The following RAB33B variants were observed in gnomAD, a reference collection of about 807,000 sequenced individuals.
The protein encoded by RAB33B is RAB33B, member RAS oncogene family, also known as ras-related protein Rab-33B.
A neutral mutation model predicts 15.0 loss-of-function variants in RAB33B; 6 were observed. That is an observed-to-expected ratio of 0.40 (90% CI 0.22 to 0.79). The LOEUF is 0.79. Among genes scored for constraint, RAB33B ranks in the 30% least tolerant of loss-of-function variants. The pLI is 0.37. For missense variants in RAB33B, 257 were observed against 296.4 expected (o/e 0.87, Z 0.98); for synonymous variants, 117 against 108.3 (o/e 1.08, Z -0.50).
chr4:139,455,372 GATCGTCTTT>G (rs1561002414), intron 1 of RAB33B, among the ~76,000 whole-genome samples: 1 of 152,108 alleles, frequency 6.6e-6, no homozygotes, highest in Non-Finnish European at 1.5e-5. Context: ...TTAAATCAGC[GATCGTCTTT>G]ATCTCAGTCT....
intron 1 of RAB33B, among the ~76,000 whole-genome samples, chr4:139,465,127 C>G (rs1237484897): frequency 6.6e-6 from 1 of 152,190 alleles, no homozygotes; most frequent in Non-Finnish European, 1.5e-5. Context: ...ATTTGCATTT[C>G]TCTGATGGCC....
At chr4:139,442,049 G>A in the RAB33B span, among the ~76,000 whole-genome samples, 3 of 152,088 alleles carry the variant, frequency 2.0e-5, no homozygotes, top group South Asian at 2.1e-4. Context: ...TCACGGTTGC[G>A]ATTTTCTCCT....
At chr4:139,440,038 C>T in the RAB33B span, among the ~76,000 whole-genome samples, 212 of 152,300 alleles carry the variant, frequency 1.4e-3, no homozygotes, top group African/African-American at 4.9e-3. Context: ...GAAAACCAGA[C>T]ATTAGAATTT....
intron 1 of RAB33B, among the ~76,000 whole-genome samples, chr4:139,465,104 C>T (rs1750257147): frequency 6.6e-6 from 1 of 152,148 alleles, no homozygotes; most frequent in African/African-American, 2.4e-5. Context: ...GATGGTATCT[C>T]ATTGTGGTTT....
At position 139,476,449 on chromosome 4, in the gene RAB33B, T is replaced by G. The variant is rs138878064; in HGVS notation, c.*3323T>G. The stretch of plus-strand genomic sequence containing the variant: ...ACATTATTCATGAAGGACTGCTTTC[T>G]TAATCAGATATTAAGAAGTTCGTCA... On this transcript the variant is annotated 3_prime_UTR_variant, in exon 2 of 2. Coordinates refer to ENST00000305626, the MANE Select transcript of RAB33B (RefSeq NM_031296.3). 2 of 152,212 alleles carry G rather than the reference T, an allele frequency of 1.3e-5. No homozygotes were observed. Among genetic ancestry groups the G allele is most frequent in the Non-Finnish European group, 2.9e-5 (2 of 68,040 alleles). 9.4% of individuals were successfully genotyped at this position (152,212 alleles called of 1,614,324 possible).
intron 1 of RAB33B, among the ~76,000 whole-genome samples, chr4:139,466,961 C>CTTTTTTTTT (rs35504904): frequency 1.3e-4 from 9 of 68,482 alleles, no homozygotes; most frequent in Non-Finnish European, 1.3e-4. Context: ...GAAGCACAAA[C>CTTTTTTTTT]TTTTTTTTTT....
In RAB33B at chr4:139,476,585, C is replaced by CT. The variant is rs1258562258; in HGVS notation, c.*3460dup. 2.6e-5 allele frequency: 4 copies of CT among 152,188 alleles called. No homozygotes were observed. The highest frequency in any genetic ancestry group is 5.9e-5 in the Non-Finnish European group (4 of 68,032). 9.4% of individuals were successfully genotyped at this position (152,188 alleles called of 1,614,324 possible). On this transcript the variant is annotated 3_prime_UTR_variant, in exon 2 of 2. Transcript: ENST00000305626. ...TTATCAAGTATGGGTCATGTGTTCTCTATTTGTGTTAGTGGAGCTACATAG... is the reference window on the plus strand; with the variant it reads ...TTATCAAGTATGGGTCATGTGTTCTCTTATTTGTGTTAGTGGAGCTACATAG...
rs1750463492 is a variant in RAB33B at position 139,474,553 on chromosome 4, A to G, written c.*1427A>G. ...ACAACTCTAATTGCTATTAGTCTAC[A>G]TGTATTTCTGTAATAGTATTGTGTC... On this transcript the variant is annotated 3_prime_UTR_variant, in exon 2 of 2. Coordinates refer to ENST00000305626, the MANE Select transcript of RAB33B (RefSeq NM_031296.3). 1 of 152,582 alleles carries G rather than the reference A, an allele frequency of 6.6e-6. No homozygotes were observed. The highest frequency in any genetic ancestry group is 2.1e-4 in the South Asian group (1 of 4,832). 9.5% of individuals were successfully genotyped at this position (152,582 alleles called of 1,614,324 possible).
rs774996373 is a variant in RAB33B at position 139,473,022 on chromosome 4, G to C, written c.586G>C (p.Ala196Pro). Reference protein sequence around the residue: ...DHVEAIFMTLAHKLKSHKPLM... With the variant: ...DHVEAIFMTLPHKLKSHKPLM... Reference sequence around the variant, plus strand: ...TGTGGAAGCTATATTTATGACCTTGGCTCATAAGCTTAAGAGCCACAAACC... The same window carrying C: ...TGTGGAAGCTATATTTATGACCTTGCCTCATAAGCTTAAGAGCCACAAACC... The change falls in exon 2 of 2, where the codon GCT becomes CCT. Residue 196 changes from alanine (A) to proline (P), a missense_variant. By Grantham distance (27) the Ala-to-Pro change is conservative. Transcript: ENST00000305626. 6.2e-7 allele frequency: 1 copy of C among 1,613,966 alleles called. No individual in the cohort carries two copies. The highest frequency in any genetic ancestry group is 1.1e-5 in the South Asian group (1 of 91,082).
intron 1 of RAB33B, 142 bp downstream of exon 1, chr4:139,454,586 G>A: frequency 1.1e-6 from 1 of 948,984 alleles, no homozygotes; most frequent in Admixed American, 2.9e-5. Context: ...GGATTGGAAG[G>A]ATTGCAATAC....
chr4:139,438,596 CT>C, the RAB33B span, among the ~76,000 whole-genome samples: 16 of 148,510 alleles, frequency 1.1e-4, no homozygotes, highest in Non-Finnish European at 1.2e-4. Flanking sequence ...AATCATCTGC[CT>C]TTTTTTTTTG....
the RAB33B span, among the ~76,000 whole-genome samples, chr4:139,447,514 A>G: frequency 2.6e-5 from 4 of 152,120 alleles, no homozygotes; most frequent in Non-Finnish European, 5.9e-5. Flanking sequence ...AGGAGACACA[A>G]CAGCAATTCC....
chr4:139,438,811 A>G, the RAB33B span, among the ~76,000 whole-genome samples: 8 of 152,188 alleles, frequency 5.3e-5, no homozygotes, highest in Non-Finnish European at 1.2e-4. Flanking sequence ...AGCTTTTATA[A>G]TTTCCCATGT....
chr4:139,455,629 CAGT>C (rs1299703628), intron 1 of RAB33B, among the ~76,000 whole-genome samples: 1 of 152,072 alleles, frequency 6.6e-6, no homozygotes, highest in Non-Finnish European at 1.5e-5. Context: ...TATGAGCTCT[CAGT>C]GGTGGTTTTG....
chr4:139,448,783 G>C (rs1191670629), upstream of RAB33B: 1 of 152,104 alleles, frequency 6.6e-6, no homozygotes, highest in Non-Finnish European at 1.5e-5. Context: ...ATCCCCTTTT[G>C]CAACATGAGT....
At chr4:139,441,829 T>C in the RAB33B span, among the ~76,000 whole-genome samples, 1 of 152,226 alleles carries the variant, frequency 6.6e-6, no homozygotes, top group Non-Finnish European at 1.5e-5. Flanking sequence ...AGTGTAATTT[T>C]TGTCTAGGTG....
At chr4:139,464,233 T>C (rs1202413263) in intron 1 of RAB33B, among the ~76,000 whole-genome samples, 1 of 152,074 alleles carries the variant, frequency 6.6e-6, no homozygotes. Flanking sequence ...TCCATGATTG[T>C]GCCACTGCAT....
At chr4:139,455,912 A>C (rs1483454374) in intron 1 of RAB33B, among the ~76,000 whole-genome samples, 1 of 152,172 alleles carries the variant, frequency 6.6e-6, no homozygotes, top group East Asian at 1.9e-4. Flanking sequence ...TAGGGTGACC[A>C]ACTTTGCCCA....
chr4:139,457,895 T>C (rs896889248), intron 1 of RAB33B, among the ~76,000 whole-genome samples: 4 of 152,202 alleles, frequency 2.6e-5, no homozygotes, highest in African/African-American at 4.8e-5. Flanking sequence ...CTGAGTCCAA[T>C]TGGTTTTCCA....
Sources: gnomAD v4.1 joint callset for allele counts (sites outside exome capture counted in the v4.1 genomes callset) on GRCh38, gnomAD v4.1.1 for gene constraint, MANE v1.5 for transcripts, NCBI Gene and HGNC (gene_info 2026-07-23, HGNC 2026-07-21) for gene names.